IQSEC1: variants seen among roughly 807,000 people sequenced by gnomAD.
The protein encoded by IQSEC1 is IQ motif and Sec7 domain ArfGEF 1.
Under a neutral mutation model 91.0 loss-of-function variants are expected in IQSEC1, and 31 were observed. The ratio of observed to expected loss-of-function variants is 0.34; its 90% CI spans 0.26 to 0.46. IQSEC1 has a LOEUF of 0.46. Ranked by LOEUF, IQSEC1 falls within the 20% of genes least tolerant of loss-of-function variation. The pLI is 1.00. For synonymous variants in IQSEC1, 699 were observed against 662.6 expected (o/e 1.05, Z -0.84); for missense variants, 1,388 against 1,575.6 (o/e 0.88, Z 2.02).
intron 1 of IQSEC1, among the ~76,000 whole-genome samples, chr3:13,215,545 A>C (rs999506581): frequency 5.9e-5 from 9 of 152,212 alleles, no homozygotes; most frequent in Non-Finnish European, 1.2e-4. Flanking sequence ...CTCTCTGCAC[A>C]TTTGAGAGGC....
intron 1 of IQSEC1, among the ~76,000 whole-genome samples, chr3:13,061,774 CT>C (rs769643096): frequency 5.9e-5 from 9 of 152,212 alleles, no homozygotes; most frequent in Non-Finnish European, 1.2e-4. Flanking sequence ...AGCCTGTGGC[CT>C]GTTTCTAGAC....
intron 1 of IQSEC1, among the ~76,000 whole-genome samples, chr3:13,223,553 T>G (rs1157437522): frequency 6.6e-6 from 1 of 151,974 alleles, no homozygotes; most frequent in African/African-American, 2.4e-5. Flanking sequence ...GACAGGTGGG[T>G]AGGTCCCACC....
At chr3:13,027,051 G>A (rs1703648058) in intron 1 of IQSEC1, among the ~76,000 whole-genome samples, 1 of 152,092 alleles carries the variant, frequency 6.6e-6, no homozygotes, top group Non-Finnish European at 1.5e-5. Flanking sequence ...ATGGTGCCCA[G>A]AGCCATGCAA....
intron 1 of IQSEC1, among the ~76,000 whole-genome samples, chr3:13,167,596 G>T (rs529560482): frequency 1.3e-5 from 2 of 152,158 alleles, no homozygotes; most frequent in Admixed American, 1.3e-4. Flanking sequence ...TGGCACTTGG[G>T]GGGGCAAAAG....
chr3:13,174,729 C>T (rs1185484277), intron 1 of IQSEC1, among the ~76,000 whole-genome samples: 1 of 152,128 alleles, frequency 6.6e-6, no homozygotes, highest in African/African-American at 2.4e-5. Context: ...CACACACAGC[C>T]AGATTTTCAG....
chr3:13,168,540 G>A (rs1477265883), intron 1 of IQSEC1, among the ~76,000 whole-genome samples: 3 of 152,158 alleles, frequency 2.0e-5, no homozygotes, highest in Non-Finnish European at 4.4e-5. Flanking sequence ...TCTGCCCTTG[G>A]AACAAAATTC....
At chr3:13,254,819 A>T (rs1048735972) in intron 1 of IQSEC1, among the ~76,000 whole-genome samples, 4 of 152,158 alleles carry the variant, frequency 2.6e-5, no homozygotes, top group Admixed American at 2.6e-4. Context: ...CTGTCCCCAC[A>T]TTAGAGATGA....
intron 6 of IQSEC1, among the ~76,000 whole-genome samples, chr3:12,917,024 G>A (rs771995718): frequency 1.3e-5 from 2 of 152,178 alleles, no homozygotes; most frequent in Non-Finnish European, 2.9e-5. Flanking sequence ...CTGAGCAGGT[G>A]GGGCAGGGTG....
intron 1 of IQSEC1, among the ~76,000 whole-genome samples, chr3:13,021,412 G>A (rs548492648): frequency 6.6e-6 from 1 of 152,334 alleles, no homozygotes; most frequent in Non-Finnish European, 1.5e-5. Context: ...AAGGGTCATC[G>A]TATCCAACAC....
intron 1 of IQSEC1, among the ~76,000 whole-genome samples, chr3:13,275,135 A>G (rs1231633012): frequency 6.6e-6 from 1 of 152,232 alleles, no homozygotes. Flanking sequence ...GACAGTTCAC[A>G]CTTGTCACAG....
At chr3:13,030,648 G>C (rs1230283083) in intron 1 of IQSEC1, among the ~76,000 whole-genome samples, 1 of 152,220 alleles carries the variant, frequency 6.6e-6, no homozygotes, top group African/African-American at 2.4e-5. Context: ...AGTACTGCAA[G>C]GATGAAAAAG....
chr3:12,988,396 C>G (rs1467096708), intron 1 of IQSEC1, among the ~76,000 whole-genome samples: 1 of 152,052 alleles, frequency 6.6e-6, no homozygotes, highest in Non-Finnish European at 1.5e-5. Flanking sequence ...GCCTGGGCGA[C>G]AGAGCGAGGC....
chr3:13,133,167 C>T (rs766275592), intron 2 of IQSEC1, among the ~76,000 whole-genome samples: 1 of 152,180 alleles, frequency 6.6e-6, no homozygotes, highest in Non-Finnish European at 1.5e-5. Context: ...CAGGCTGTCT[C>T]GATTCTTGGA....
chr3:12,939,540 T>C (rs757061799), intron 2 of IQSEC1, among the ~76,000 whole-genome samples: 4 of 152,216 alleles, frequency 2.6e-5, no homozygotes, highest in Non-Finnish European at 5.9e-5. Context: ...TACTTTTTCA[T>C]CTGGTGATTC....
At chr3:13,144,694 C>T (rs990903015) in intron 2 of IQSEC1, among the ~76,000 whole-genome samples, 2 of 152,238 alleles carry the variant, frequency 1.3e-5, no homozygotes, top group Non-Finnish European at 2.9e-5. Flanking sequence ...CCTCCTCCAT[C>T]ACGTGGCTCC....
At chr3:13,202,567 T>A (rs1211601514) in intron 1 of IQSEC1, among the ~76,000 whole-genome samples, 1 of 151,862 alleles carries the variant, frequency 6.6e-6, no homozygotes, top group Admixed American at 6.6e-5. Context: ...CTAGATGAGG[T>A]CCCTGGAGTA....
chr3:13,071,703 G>A (rs1338452278), intron 1 of IQSEC1, among the ~76,000 whole-genome samples: 1 of 152,166 alleles, frequency 6.6e-6, no homozygotes, highest in Admixed American at 6.5e-5. Flanking sequence ...GCGAACCAGA[G>A]GCCACCGTCA....
chr3:13,167,782 C>T (rs541790842), intron 1 of IQSEC1, among the ~76,000 whole-genome samples: 20 of 152,342 alleles, frequency 1.3e-4, no homozygotes, highest in African/African-American at 3.6e-4. Flanking sequence ...CTGCCCCCTT[C>T]GCCATGTGTG....
chr3:13,046,332 G>A (rs902900351), intron 1 of IQSEC1, among the ~76,000 whole-genome samples: 1 of 152,244 alleles, frequency 6.6e-6, no homozygotes, highest in Admixed American at 6.5e-5. Flanking sequence ...GTGTGTACAC[G>A]TGTGTACCAC....
Sources: allele counts gnomAD v4.1 joint callset (sites outside exome capture counted in the v4.1 genomes callset), GRCh38; gene constraint gnomAD v4.1.1; transcripts MANE v1.5; gene names NCBI Gene and HGNC (gene_info 2026-07-23, HGNC 2026-07-21).